PBX4: variants seen among roughly 807,000 people sequenced by gnomAD.
PBX4 encodes PBX homeobox 4, also known as pre-B-cell leukemia transcription factor 4.
In PBX4, 26 loss-of-function variants were observed where a neutral mutation model predicts 35.1. The observed-to-expected ratio is 0.74, with a 90% confidence interval of 0.54 to 1.03. PBX4 has a LOEUF of 1.03. PBX4 is among the 50% of genes least tolerant of loss of function. The pLI is 0.00. For synonymous variants in PBX4, 199 were observed against 204.2 expected (o/e 0.97, Z 0.22); for missense variants, 448 against 504.3 (o/e 0.89, Z 1.07).
intron 5 of PBX4, among the ~76,000 whole-genome samples, chr19:19,566,596 C>A (rs1190096832): frequency 6.6e-6 from 1 of 152,144 alleles, no homozygotes; most frequent in Non-Finnish European, 1.5e-5. Context: ...GCGATCTCAG[C>A]TCACTGCAAC....
At chr19:19,592,814 T>C (rs114650003) in intron 2 of PBX4, among the ~76,000 whole-genome samples, 1 of 152,170 alleles carries the variant, frequency 6.6e-6, no homozygotes, top group Admixed American at 6.6e-5. Flanking sequence ...ATTGTTCAGA[T>C]GACACAGGTG....
intron 2 of PBX4, among the ~76,000 whole-genome samples, chr19:19,591,699 C>T (rs576471840): frequency 2.0e-5 from 3 of 152,298 alleles, no homozygotes; most frequent in East Asian, 3.9e-4. Context: ...ATCTGAGATC[C>T]GAAGCTTTTC....
intron 2 of PBX4, 143 bp downstream of exon 2, chr19:19,599,148 TA>T (rs1221441167): frequency 4.8e-6 from 3 of 622,844 alleles, no homozygotes; most frequent in African/African-American, 1.8e-5. Context: ...TTTGTATTTT[TA>T]ATAGAGACAG....
intron 2 of PBX4, among the ~76,000 whole-genome samples, chr19:19,597,655 G>C (rs1238372533): frequency 6.6e-6 from 1 of 152,196 alleles, no homozygotes; most frequent in African/African-American, 2.4e-5. Flanking sequence ...GAAGTGCTAT[G>C]CTCCAAAGTG....
chr19:19,603,889 G>T (rs1254224022), intron 1 of PBX4, among the ~76,000 whole-genome samples: 2 of 151,540 alleles, frequency 1.3e-5, no homozygotes, highest in African/African-American at 2.4e-5. Context: ...TTGAACCCAG[G>T]GGGTGGAGGT....
At position 19,570,998 on chromosome 19, in the gene PBX4, C is replaced by T. The variant is rs985106781; in HGVS notation, c.194-165G>A. The T allele has an allele frequency of 4.6e-6, 4 of 876,884 alleles. No individual in the cohort carries two copies. In the East Asian group the frequency reaches 1.0e-4, roughly 23 times the overall value. 54.3% of individuals were successfully genotyped at this position (876,884 alleles called of 1,614,324 possible). On this transcript the variant is annotated intron_variant, in intron 2 of 7. Coordinates refer to ENST00000251203, the MANE Select transcript of PBX4 (RefSeq NM_025245.3). The stretch of plus-strand genomic sequence containing the variant: ...CAAATTGGATGATGGACACTGAGCA[C>T]CCCGCTAAGACATGGGTCCAAGTGC...
At chr19:19,571,077 C>T (rs1351140312) in intron 2 of PBX4, among the ~76,000 whole-genome samples, 6 of 152,218 alleles carry the variant, frequency 3.9e-5, no homozygotes, top group African/African-American at 9.6e-5. Flanking sequence ...CGCAGTTTGG[C>T]ATAGCCTGTG....
chr19:19,572,660 T>C (rs983715008), intron 2 of PBX4, among the ~76,000 whole-genome samples: 5 of 149,958 alleles, frequency 3.3e-5, no homozygotes, highest in African/African-American at 1.2e-4. Flanking sequence ...AGGTCGGGAG[T>C]TCGAGACCAG....
chr19:19,601,697 A>C (rs1599375607), intron 1 of PBX4, among the ~76,000 whole-genome samples: 1 of 152,198 alleles, frequency 6.6e-6, no homozygotes, highest in South Asian at 2.1e-4. Context: ...GGTTGGAGAG[A>C]TACTATGTTG....
intron 1 of PBX4, among the ~76,000 whole-genome samples, chr19:19,611,063 G>A (rs1449872549): frequency 6.6e-6 from 1 of 152,172 alleles, no homozygotes; most frequent in African/African-American, 2.4e-5. Context: ...TGTGCGGAAG[G>A]CTGAATGCTC....
chr19:19,610,381 C>G (rs184490217), intron 1 of PBX4, among the ~76,000 whole-genome samples: 3 of 151,704 alleles, frequency 2.0e-5, no homozygotes, highest in Non-Finnish European at 2.9e-5. Context: ...CCATTGCACT[C>G]CAGCCTGGGT....
chr19:19,599,333 GGCTTCATCCGATGGCAATTCAGAGCAT>G lies in PBX4; in HGVS notation c.125_151del (p.His42_Lys50del). On this transcript the variant is annotated inframe_deletion, in exon 2 of 8. Coordinates refer to ENST00000251203, the MANE Select transcript of PBX4 (RefSeq NM_025245.3). ...CTCACAGAGCACGCTGAACAGAGCA[GGCTTCATCCGATGGCAATTCAGAGCAT>G]GCTTTCTGAAAGGGAGGTGACAGAG... The G allele has an allele frequency of 6.2e-7, 1 of 1,613,474 alleles. No homozygotes were observed. The highest frequency in any genetic ancestry group is 8.5e-7 in the Non-Finnish European group (1 of 1,179,640).
At chr19:19,599,226 C>A in intron 2 of PBX4, 66 bp downstream of exon 2, 1 of 1,388,836 alleles carries the variant, frequency 7.2e-7, no homozygotes, top group Non-Finnish European at 1.0e-6. Context: ...CTCCGCCTCC[C>A]AATGTGCTGG....
intron 5 of PBX4, among the ~76,000 whole-genome samples, chr19:19,567,785 C>T (rs2061351945): frequency 6.6e-6 from 1 of 152,094 alleles, no homozygotes. Flanking sequence ...AGGGAGCTCA[C>T]ACTCTCTACC....
At position 19,618,633 on chromosome 19, in the gene PBX4, C is replaced by A; in HGVS notation, c.-4G>T. 1 of 1,224,700 alleles carries A rather than the reference C, an allele frequency of 8.2e-7. No homozygotes were observed. The allele number at this position is 1,224,700 out of a possible 1,614,324, so 75.9% of individuals were successfully genotyped here. ...CGGGGCGCGGCGGGGCGGCCATGAG[C>A]GGCAGGGCCGGGCGGGCGCTGTGAG... is the stretch of plus-strand genomic sequence containing the variant. On this transcript the variant is annotated 5_prime_UTR_variant, in exon 1 of 8. Coordinates refer to ENST00000251203, the MANE Select transcript of PBX4 (RefSeq NM_025245.3).
chr19:19,611,827 C>G (rs2061664418), intron 1 of PBX4, among the ~76,000 whole-genome samples: 1 of 151,988 alleles, frequency 6.6e-6, no homozygotes. Flanking sequence ...ACTGCTTGCT[C>G]CTAAAACATT....
chr19:19,570,673 A>G lies in PBX4; in HGVS notation c.354T>C (p.Asn118=). The stretch of plus-strand genomic sequence containing the variant: ...AGTCAGAGTGCTCAATGCTATTGTC[A>G]TTTGGACAGCCACCTGGTGTTGCTG... ...AGTATPGGCP[N]DNSIEHSDYR... The change falls in exon 3 of 8, where the codon AAT becomes AAC. Residue 118 remains asparagine (N), a synonymous_variant. Transcript: ENST00000251203. 6.2e-7 allele frequency: 1 copy of G among 1,614,150 alleles called. No homozygotes were observed. The highest frequency in any genetic ancestry group is 8.5e-7 in the Non-Finnish European group (1 of 1,180,026).
chr19:19,586,128 T>C (rs2061487459), intron 2 of PBX4, among the ~76,000 whole-genome samples: 1 of 152,186 alleles, frequency 6.6e-6, no homozygotes, highest in South Asian at 2.1e-4. Flanking sequence ...AAAAAATAAA[T>C]AGGCTGAGCA....
chr19:19,596,655 G>A (rs1223029396), intron 2 of PBX4, among the ~76,000 whole-genome samples: 1 of 152,074 alleles, frequency 6.6e-6, no homozygotes, highest in African/African-American at 2.4e-5. Flanking sequence ...AACAGAATAT[G>A]AGCCTGGTTG....
Sources: allele counts gnomAD v4.1 joint callset (sites outside exome capture counted in the v4.1 genomes callset), GRCh38; gene constraint gnomAD v4.1.1; transcripts MANE v1.5; gene names NCBI Gene and HGNC (gene_info 2026-07-23, HGNC 2026-07-21).